TMC5: variants seen among roughly 807,000 people sequenced by gnomAD.
TMC5 encodes transmembrane channel-like protein 5.
Under a neutral mutation model 110.5 loss-of-function variants are expected in TMC5, and 86 were observed. The ratio of observed to expected loss-of-function variants is 0.78; its 90% CI spans 0.65 to 0.93. The LOEUF (loss-of-function observed/expected upper bound fraction) is 0.93, where lower values mean the gene tolerates loss of function less well. TMC5 is among the 40% of genes least tolerant of loss of function. The probability of loss-of-function intolerance (pLI) is 0.00; values close to 1 mark genes in which losing one functional copy is unlikely to be tolerated. For synonymous variants in TMC5, 455 were observed against 439.5 expected, an observed-to-expected ratio of 1.04 and a Z score of -0.44; for missense variants, 1,144 against 1,222.8, an observed-to-expected ratio of 0.94 and a Z score of 0.96.
chr16:19,470,721 T>TAA (rs60087070), intron 10 of TMC5, among the ~76,000 whole-genome samples: 1 of 41,306 alleles, frequency 2.4e-5, no homozygotes. Flanking sequence ...ACAAACTTAT[T>TAA]AAAAAAAAAA....
intron 6 of TMC5, chr16:19,462,622 G>T: frequency 1.5e-6 from 1 of 672,916 alleles, no homozygotes; most frequent in South Asian, 1.6e-5. Context: ...CAGATCGGCT[G>T]GGTGTGGTGG....
chr16:19,456,800 C>T, intron 5 of TMC5: 2 of 1,614,130 alleles, frequency 1.2e-6, no homozygotes, highest in Non-Finnish European at 1.7e-6. Flanking sequence ...TCAGATTTTT[C>T]AAGAAAAGGT....
intron 5 of TMC5, among the ~76,000 whole-genome samples, chr16:19,450,531 C>T (rs574635856): frequency 6.6e-6 from 1 of 152,288 alleles, no homozygotes; most frequent in African/African-American, 2.4e-5. Flanking sequence ...ATCCTCAGCA[C>T]CTCTTTAAGT....
At position 19,431,557 on chromosome 16, in the gene TMC5, A is replaced by G. The variant is rs965152841; in HGVS notation, c.-80+917A>G. Among the ~76,000 whole-genome samples, 32 of 151,716 alleles carry G rather than the reference A, an allele frequency of 2.1e-4. No homozygotes were observed. The Middle Eastern group carries it at 0.014, about 65-fold the overall frequency. Reference sequence around the variant, plus strand: ...CCTTCCATCTCAGAAAAAAAAAAAAAAAGAAGAAGAAGAAGACAAAATGTA... The same window carrying G: ...CCTTCCATCTCAGAAAAAAAAAAAAGAAGAAGAAGAAGAAGACAAAATGTA... On this transcript the variant is annotated intron_variant, in intron 2 of 21. Transcript: ENST00000542583.
At chr16:19,490,756 TTCCTTCC>T (rs1968871891) in intron 18 of TMC5, among the ~76,000 whole-genome samples, 188 bp downstream of exon 18, 2 of 54,446 alleles carry the variant, frequency 3.7e-5, no homozygotes, top group African/African-American at 8.2e-5. Flanking sequence ...CCTTCCTTCC[TTCCTTCC>T]CTTCCTTTTT....
upstream of TMC5, among the ~76,000 whole-genome samples, chr16:19,417,440 A>AGG (rs1293513125): frequency 4.2e-5 from 6 of 142,182 alleles, no homozygotes; most frequent in East Asian, 8.3e-4. Flanking sequence ...AAAAAAAAAA[A>AGG]GGAGCCAGTG....
In TMC5 at chr16:19,494,253, T is replaced by C. The variant is rs1968991726; in HGVS notation, c.2827-9T>C. The C allele has an allele frequency of 3.1e-6, 5 of 1,605,244 alleles. No individual in the cohort carries two copies. Among genetic ancestry groups the C allele is most frequent in the Non-Finnish European group, 4.3e-6 (5 of 1,175,460 alleles). On this transcript the variant is annotated splice_polypyrimidine_tract_variant and intron_variant, in intron 19 of 21. Transcript: ENST00000542583. ...TGTTTCTTTCTGGTTTTGTTTTCCT[T>C]CTTGGTAGGAGGGCAAAGATAAAAT...
intron 10 of TMC5, among the ~76,000 whole-genome samples, chr16:19,471,627 C>T (rs1210053872): frequency 1.3e-5 from 2 of 152,160 alleles, no homozygotes; most frequent in African/African-American, 2.4e-5. Flanking sequence ...GAATGTTCCC[C>T]CTCTCTCTCA....
intron 1 of TMC5, among the ~76,000 whole-genome samples, chr16:19,426,389 G>A (rs1967088508): frequency 1.3e-5 from 2 of 152,152 alleles, no homozygotes; most frequent in Admixed American, 6.5e-5. Flanking sequence ...TAGCCAAAGG[G>A]AGCATTAAAC....
In TMC5 at chr16:19,487,029, G is replaced by A. The variant is rs1191144406; in HGVS notation, c.2439+9G>A. 2 of 1,613,654 alleles carry A rather than the reference G, an allele frequency of 1.2e-6. No homozygotes were observed. Among genetic ancestry groups the A allele is most frequent in the Admixed American group, 3.3e-5 (2 of 60,012 alleles). ...TGTTCTACTCCAAAAATGTGAGTCA[G>A]TCCGACATTGCCATCAATCAGCTTT... On this transcript the variant is annotated intron_variant, in intron 16 of 21. Transcript: ENST00000542583.
At chr16:19,441,045 A>G (rs1341902877) in intron 3 of TMC5, among the ~76,000 whole-genome samples, 3 of 152,132 alleles carry the variant, frequency 2.0e-5, no homozygotes, top group East Asian at 1.9e-4. Flanking sequence ...ATCTTTCACC[A>G]TCTCTTCCTT....
chr16:19,417,945 T>C lies in TMC5; in HGVS notation c.-455T>C, dbSNP rs1966895363. The C allele has an allele frequency of 6.6e-6, 1 of 152,078 alleles. No homozygotes were observed. Among genetic ancestry groups the C allele is most frequent in the African/African-American group, 2.4e-5 (1 of 41,380 alleles). The allele number at this position is 152,078 out of a possible 1,614,324, so 9.4% of individuals were successfully genotyped here. A position where few individuals can be genotyped will look rare whatever the true frequency, so the allele number is the denominator to read the frequency against. ...GTGTGACCAAGATAGCAAGGAGCAG[T>C]CTTTAAGGCGACACGGCAGAGAGGC... On this transcript the variant is annotated 5_prime_UTR_variant, in exon 1 of 22. Coordinates refer to ENST00000542583, the MANE Select transcript of TMC5 (RefSeq NM_001261841.2).
intron 1 of TMC5, among the ~76,000 whole-genome samples, chr16:19,429,272 T>C (rs1052777398): frequency 1.3e-5 from 2 of 152,226 alleles, no homozygotes; most frequent in African/African-American, 4.8e-5. Context: ...AAAGCCAACA[T>C]GGATCTCAAT....
At chr16:19,456,532 G>A (rs1310015422) in intron 5 of TMC5, 5 of 1,411,850 alleles carry the variant, frequency 3.5e-6, no homozygotes, top group Non-Finnish European at 4.6e-6. Flanking sequence ...TGTGATTTGT[G>A]TAGGGGTGGC....
chr16:19,459,702 A>G (rs1967971478), intron 5 of TMC5, among the ~76,000 whole-genome samples: 1 of 152,066 alleles, frequency 6.6e-6, no homozygotes, highest in African/African-American at 2.4e-5. Context: ...GGATCGCTTG[A>G]GCCCAGGAGT....
chr16:19,460,405 C>A, intron 6 of TMC5, 71 bp downstream of exon 6: 1 of 1,090,172 alleles, frequency 9.2e-7, no homozygotes, highest in South Asian at 1.4e-5. Flanking sequence ...TGCCCCATCT[C>A]AAAAAGATAA....
At chr16:19,419,707 G>A (rs1034159227) in intron 1 of TMC5, among the ~76,000 whole-genome samples, 4 of 151,832 alleles carry the variant, frequency 2.6e-5, no homozygotes, top group East Asian at 2.0e-4. Context: ...CCACCGCGCC[G>A]GGCCACTAAT....
chr16:19,431,821 G>A (rs879035913), intron 2 of TMC5, among the ~76,000 whole-genome samples: 4 of 152,112 alleles, frequency 2.6e-5, no homozygotes, highest in Admixed American at 2.6e-4. Flanking sequence ...AATCACAGCT[G>A]GCCATCTTCT....
intron 5 of TMC5, among the ~76,000 whole-genome samples, chr16:19,454,051 T>G (rs565954925): frequency 6.6e-6 from 1 of 151,992 alleles, no homozygotes; most frequent in South Asian, 2.1e-4. Context: ...CAGCATCTTT[T>G]TTGTTGTTGT....
Sources: gnomAD v4.1 joint callset for allele counts (sites outside exome capture counted in the v4.1 genomes callset) on GRCh38, gnomAD v4.1.1 for gene constraint, MANE v1.5 for transcripts, NCBI Gene and HGNC (gene_info 2026-07-23, HGNC 2026-07-21) for gene names.